The following COMMD9 variants were observed in gnomAD, a reference collection of about 807,000 sequenced individuals.
The protein encoded by COMMD9 is COMM domain containing 9, also known as COMM domain-containing protein 9.
Under a neutral mutation model 23.4 loss-of-function variants are expected in COMMD9, and 22 were observed. The ratio of observed to expected loss-of-function variants is 0.94; its 90% CI spans 0.67 to 1.34. The LOEUF is 1.34. Among genes scored for constraint, COMMD9 ranks in the 40% most tolerant of loss-of-function variants. The pLI, the probability that COMMD9 is intolerant of heterozygous loss-of-function variation, is 0.00. For missense variants in COMMD9, 231 were observed against 240.2 expected (o/e 0.96, Z 0.25); for synonymous variants, 99 against 97.4 (o/e 1.02, Z -0.10).
chr11:36,279,097 G>A (rs565117179), intron 2 of COMMD9, among the ~76,000 whole-genome samples: 1 of 152,284 alleles, frequency 6.6e-6, no homozygotes, highest in African/African-American at 2.4e-5. Flanking sequence ...GGCTCCTTTC[G>A]AGAACCTGAA....
chr11:36,274,353 C>A lies in COMMD9; in HGVS notation c.*279G>T, dbSNP rs1410145271. The A allele has an allele frequency of 1.6e-6, 1 of 644,620 alleles. No homozygotes were observed. Among genetic ancestry groups the A allele is most frequent in the Admixed American group, 2.1e-5 (1 of 48,082 alleles). 39.9% of individuals were successfully genotyped at this position (644,620 alleles called of 1,614,324 possible). Reference sequence around the variant, plus strand: ...GCAGCTGACGATGCAAATGTTCCCTCACCCTGCCATGGTGGTAATTAAGTT... The same window carrying A: ...GCAGCTGACGATGCAAATGTTCCCTAACCCTGCCATGGTGGTAATTAAGTT... On this transcript the variant is annotated 3_prime_UTR_variant, in exon 6 of 6. Transcript: ENST00000263401.
chr11:36,285,284 C>T (rs2133433805), intron 1 of COMMD9, among the ~76,000 whole-genome samples: 1 of 152,184 alleles, frequency 6.6e-6, no homozygotes, highest in Non-Finnish European at 1.5e-5. Flanking sequence ...CCTCAAATAA[C>T]ACAAACTACT....
In COMMD9 at chr11:36,277,071, A is replaced by G. The variant is rs531583842; in HGVS notation, c.352+18T>C. 3.0e-5 allele frequency: 48 copies of G among 1,598,234 alleles called. No individual in the cohort carries two copies. Among genetic ancestry groups the G allele is most frequent in the Non-Finnish European group, 4.0e-5 (47 of 1,172,184 alleles). On this transcript the variant is annotated intron_variant, in intron 4 of 5. Transcript: ENST00000263401. ...GGGAGACAAGTAAGAAGGGAGGGGC[A>G]GATTTATTGGTACTCACTCTGATTT...
At chr11:36,279,950 A>T (rs1856037836) in intron 2 of COMMD9, among the ~76,000 whole-genome samples, 1 of 152,144 alleles carries the variant, frequency 6.6e-6, no homozygotes, top group South Asian at 2.1e-4. Context: ...TACAAAAAAT[A>T]CAAAAATTAG....
In COMMD9 at chr11:36,289,396, G is replaced by A. The variant is rs1047179906; in HGVS notation, c.17C>T (p.Ala6Val). Residue 6 changes from alanine to valine, a missense_variant, in exon 1 of 6, where the codon GCG (alanine) becomes GTG (valine). Transcript: ENST00000263401. MAALT[A>V]EHFAALQSLL... Reference sequence around the variant, plus strand: ...GCTCTGGAGTGCTGCAAAATGCTCCGCTGTCAGGGCAGCCATCTTGCCGAA... The same window carrying A: ...GCTCTGGAGTGCTGCAAAATGCTCCACTGTCAGGGCAGCCATCTTGCCGAA... 1.3e-6 allele frequency: 2 copies of A among 1,551,864 alleles called. No homozygotes were observed. The highest frequency in any genetic ancestry group is 8.7e-7 in the Non-Finnish European group (1 of 1,147,182).
intron 3 of COMMD9, among the ~76,000 whole-genome samples, chr11:36,277,443 A>C (rs993846352): frequency 6.6e-6 from 1 of 152,186 alleles, no homozygotes; most frequent in African/African-American, 2.4e-5. Context: ...AGGTCAACTT[A>C]TCTTCTCTTT....
chr11:36,286,410 A>AAAAAAAG (rs1285648187), intron 1 of COMMD9, among the ~76,000 whole-genome samples: 50 of 104,814 alleles, frequency 4.8e-4, no homozygotes, highest in South Asian at 1.3e-3. Flanking sequence ...AAAAAAAAAA[A>AAAAAAAG]AAAGAAAGAA....
intron 1 of COMMD9, 25 bp downstream of exon 1, chr11:36,289,337 C>G: frequency 6.5e-7 from 1 of 1,548,300 alleles, no homozygotes; most frequent in South Asian, 1.2e-5. Flanking sequence ...GGCCACCTCA[C>G]GCTGTCCCCA....
chr11:36,285,416 T>C (rs1430742539), intron 1 of COMMD9, among the ~76,000 whole-genome samples: 2 of 152,080 alleles, frequency 1.3e-5, no homozygotes, highest in African/African-American at 4.8e-5. Flanking sequence ...TGGAGAATTC[T>C]AGCAAACATT....
At chr11:36,277,063 G>A (rs1271268362) in intron 4 of COMMD9, 26 bp downstream of exon 4, 4 of 1,593,032 alleles carry the variant, frequency 2.5e-6, no homozygotes, top group Non-Finnish European at 2.6e-6. Context: ...AAGTAAGAAG[G>A]GAGGGGCAGA....
At position 36,274,564 on chromosome 11, in the gene COMMD9, G is replaced by A; in HGVS notation, c.*68C>T. On this transcript the variant is annotated 3_prime_UTR_variant, in exon 6 of 6. Coordinates refer to ENST00000263401, the MANE Select transcript of COMMD9 (RefSeq NM_014186.4). ...TCAGCTGCAGCTGCAAGGGCAGCCT[G>A]CATATGGGGAGACATTTATCACTCA... 6.3e-7 allele frequency: 1 copy of A among 1,592,458 alleles called. No homozygotes were observed. The highest frequency in any genetic ancestry group is 8.6e-7 in the Non-Finnish European group (1 of 1,164,732).
At chr11:36,287,909 T>A (rs1856199472) in intron 1 of COMMD9, among the ~76,000 whole-genome samples, 1 of 152,186 alleles carries the variant, frequency 6.6e-6, no homozygotes, top group African/African-American at 2.4e-5. Context: ...GTGTAATAAA[T>A]CATTTAACTG....
At chr11:36,287,704 TA>T (rs969545648) in intron 1 of COMMD9, among the ~76,000 whole-genome samples, 11 of 150,776 alleles carry the variant, frequency 7.3e-5, no homozygotes, top group African/African-American at 2.4e-4. Context: ...AAGCCAGGCA[TA>T]AAAAAAAAGT....
At chr11:36,281,876 A>G (rs759681153) in intron 1 of COMMD9, among the ~76,000 whole-genome samples, 9 of 152,248 alleles carry the variant, frequency 5.9e-5, no homozygotes, top group Non-Finnish European at 1.2e-4. Flanking sequence ...AAGTAGCCAG[A>G]TAAATATGCT....
chr11:36,278,433 GAA>G (rs1243260244), intron 3 of COMMD9, 42 bp downstream of exon 3: 1 of 1,536,348 alleles, frequency 6.5e-7, no homozygotes, highest in Non-Finnish European at 9.0e-7. Context: ...AAAATAATAA[GAA>G]ATGTAAAAGT....
At chr11:36,285,974 A>C (rs1336852080) in intron 1 of COMMD9, among the ~76,000 whole-genome samples, 1 of 152,230 alleles carries the variant, frequency 6.6e-6, no homozygotes, top group Non-Finnish European at 1.5e-5. Context: ...CAAAACTGAG[A>C]ACAAGGCAAG....
At position 36,274,007 on chromosome 11, in the gene COMMD9, C is replaced by T; in HGVS notation, c.*625G>A. ...GTTCCAATTATTCCCACTTCTTCAC[C>T]TAGGAGTGGCTGCATTAGATGAAGG... On this transcript the variant is annotated 3_prime_UTR_variant, in exon 6 of 6. Coordinates refer to ENST00000263401, the MANE Select transcript of COMMD9 (RefSeq NM_014186.4). The T allele has an allele frequency of 4.5e-6, 1 of 223,608 alleles. No individual in the cohort carries two copies. The highest frequency in any genetic ancestry group is 9.3e-6 in the Non-Finnish European group (1 of 107,394). The allele number at this position is 223,608 out of a possible 1,614,324, so 13.9% of individuals were successfully genotyped here. A position where few individuals can be genotyped will look rare whatever the true frequency, so the allele number is the denominator to read the frequency against.
At chr11:36,280,860 G>T in intron 1 of COMMD9, 23 bp from the exon 2 acceptor site, 1 of 1,263,208 alleles carries the variant, frequency 7.9e-7, no homozygotes. Context: ...TCACAGATAG[G>T]AAAAAAAAAA....
intron 1 of COMMD9, among the ~76,000 whole-genome samples, chr11:36,286,410 A>AAAAAAAAGAAAG (rs1285648187): frequency 2.9e-5 from 3 of 104,824 alleles, no homozygotes; most frequent in African/African-American, 3.9e-5. Context: ...AAAAAAAAAA[A>AAAAAAAAGAAAG]AAAGAAAGAA....
Sources: allele counts gnomAD v4.1 joint callset (sites outside exome capture counted in the v4.1 genomes callset), GRCh38; gene constraint gnomAD v4.1.1; transcripts MANE v1.5; gene names NCBI Gene and HGNC (gene_info 2026-07-23, HGNC 2026-07-21).